The following ABL1 variants were observed in gnomAD, a reference collection of about 807,000 sequenced individuals.
The protein encoded by ABL1 is ABL proto-oncogene 1, non-receptor tyrosine kinase, also known as tyrosine-protein kinase ABL1.
In ABL1, 11 loss-of-function variants were observed where a neutral mutation model predicts 94.7. The observed-to-expected ratio is 0.12, with a 90% CI of 0.07 to 0.19. The LOEUF (loss-of-function observed/expected upper bound fraction) is 0.19. Ranked by LOEUF, ABL1 falls within the 10% of genes least tolerant of loss-of-function variation. The pLI is 1.00. For missense variants in ABL1, 1,082 were observed against 1,489.4 expected (o/e 0.73, Z 4.50); for synonymous variants, 656 against 622.4 (o/e 1.05, Z -0.80).
At chr9:130,819,725 T>C (rs1830335032) in intron 1 of ABL1, among the ~76,000 whole-genome samples, 1 of 151,756 alleles carries the variant, frequency 6.6e-6, no homozygotes, top group South Asian at 2.1e-4. Context: ...GTATTTTTAG[T>C]AGAGATGGAG....
chr9:130,786,611 C>G (rs1829829474), intron 1 of ABL1, among the ~76,000 whole-genome samples: 1 of 152,142 alleles, frequency 6.6e-6, no homozygotes, highest in Non-Finnish European at 1.5e-5. Context: ...CTGCCTCCTA[C>G]TCTTTGCACC....
chr9:130,868,539 T>C (rs2132985427), intron 4 of ABL1, among the ~76,000 whole-genome samples: 1 of 148,250 alleles, frequency 6.7e-6, no homozygotes, highest in South Asian at 2.1e-4. Context: ...TTTTTTTTTT[T>C]TTCAGACAGA....
At chr9:130,833,924 A>G (rs937187019), upstream of ABL1, 16 of 435,492 alleles carry the variant, frequency 3.7e-5, no homozygotes, top group South Asian at 1.7e-4. Context: ...TATAATGACA[A>G]TGCTAGTTAT....
In ABL1 at chr9:130,863,556, G is replaced by A. The variant is rs181579479; in HGVS notation, c.822+521G>A. Among the ~76,000 whole-genome samples, 5 of 152,296 alleles carry A rather than the reference G, an allele frequency of 3.3e-5. No individual in the cohort carries two copies. The highest frequency in any genetic ancestry group is 1.3e-4 in the Admixed American group (2 of 15,308). The stretch of plus-strand genomic sequence containing the variant: ...TGCAGGCAGAGGTGGAAGTGTCCCC[G>A]CTAGAAAGGCATCCAGGAAACTCGC... On this transcript the variant is annotated intron_variant, in intron 4 of 10. Transcript: ENST00000318560. The surrounding 1 kb of genome is among the most constrained non-coding windows in gnomAD (Gnocchi z 4.3).
intron 1 of ABL1, among the ~76,000 whole-genome samples, chr9:130,801,087 A>C (rs1014084190): frequency 2.0e-5 from 3 of 149,372 alleles, no homozygotes; most frequent in African/African-American, 7.4e-5. Context: ...CCGCCACCAC[A>C]CCCAGCTAAT....
At chr9:130,786,468 GTATC>G (rs1489382714) in intron 1 of ABL1, among the ~76,000 whole-genome samples, 4 of 152,218 alleles carry the variant, frequency 2.6e-5, no homozygotes, top group Middle Eastern at 3.2e-3. Flanking sequence ...TCTCTTAGCA[GTATC>G]TACTTTTTGT....
chr9:130,724,103 C>T (rs547024863), intron 1 of ABL1, among the ~76,000 whole-genome samples: 3 of 151,762 alleles, frequency 2.0e-5, no homozygotes, highest in South Asian at 2.1e-4. Context: ...AGCCACCATG[C>T]GTGGCCTTTT....
chr9:130,884,038 G>T lies in ABL1; in HGVS notation c.1748G>T (p.Gly583Val). ...AAAGAGCGAGGTCCCCCGGAGGGCG[G>T]CCTGAATGAAGATGAGCGCCTTCTC... ...PRKERGPPEG[G>V]LNEDERLLPK... The change falls in exon 11 of 11, where the codon GGC (glycine) becomes GTC (valine). Residue 583 changes from glycine to valine, a missense_variant. Coordinates refer to ENST00000318560, the MANE Select transcript of ABL1 (RefSeq NM_005157.6). The surrounding 1 kb of genome is among the most constrained non-coding windows in gnomAD (Gnocchi z 5.6). The T allele has an allele frequency of 1.9e-6, 3 of 1,613,912 alleles. No individual in the cohort carries two copies. Among genetic ancestry groups the T allele is most frequent in the Non-Finnish European group, 2.5e-6 (3 of 1,180,038 alleles).
At chr9:130,777,235 G>C (rs929522111) in intron 1 of ABL1, among the ~76,000 whole-genome samples, 10 of 152,192 alleles carry the variant, frequency 6.6e-5, no homozygotes, top group African/African-American at 2.4e-4. Flanking sequence ...CAGCAGTCTG[G>C]TAATCCTGGT....
chr9:130,759,963 ATTTTTTTTTT>A (rs34154339), intron 1 of ABL1, among the ~76,000 whole-genome samples: 16 of 93,028 alleles, frequency 1.7e-4, no homozygotes, highest in South Asian at 3.7e-4. Flanking sequence ...AGGTAATTTA[ATTTTTTTTTT>A]TTTTTTTTTT....
chr9:130,797,235 CGAAAAAAAAAA>C (rs1564292654), intron 1 of ABL1, among the ~76,000 whole-genome samples: 1 of 46,756 alleles, frequency 2.1e-5, no homozygotes, highest in Non-Finnish European at 3.4e-5. Flanking sequence ...GACTCCATCT[CGAAAAAAAAAA>C]AAAAAAAAAA....
intron 1 of ABL1, among the ~76,000 whole-genome samples, chr9:130,748,981 A>G (rs1024389125): frequency 1.9e-4 from 29 of 152,216 alleles, no homozygotes; most frequent in African/African-American, 6.8e-4. Flanking sequence ...GCCCTCAGCC[A>G]TGACCCGAAG....
At position 130,835,377 on chromosome 9, in the gene ABL1, C is replaced by A. The variant is rs533688531; in HGVS notation, c.-70C>A. 178 of 1,091,168 alleles carry A rather than the reference C, an allele frequency of 1.6e-4. 1 individual carries two copies. The African/African-American group carries it at 2.9e-3, about 18-fold the overall frequency. 67.6% of individuals were successfully genotyped at this position (1,091,168 alleles called of 1,614,324 possible). A position where few individuals can be genotyped will look rare whatever the true frequency, so the allele number is the denominator to read the frequency against. The stretch of plus-strand genomic sequence containing the variant: ...CGCCGGGGGGGCGCGCGGGCCGAGC[C>A]GGGCCTGAGCCGGGCCCGCGGACCG... On this transcript the variant is annotated 5_prime_UTR_variant, in exon 1 of 11. Coordinates refer to ENST00000318560, the MANE Select transcript of ABL1 (RefSeq NM_005157.6). This position sits in a 1 kb window ranked among gnomAD's most constrained non-coding sequence, Gnocchi z 4.6.
chr9:130,740,819 A>ATTTTTTTTTTTTTTTTTTTTTTTTTTTTT, intron 1 of ABL1, among the ~76,000 whole-genome samples: 1 of 97,812 alleles, frequency 1.0e-5, no homozygotes. Context: ...CCACACCCAG[A>ATTTTTTTTTTTTTTTTTTTTTTTTTTTTT]TTTTTTTTTT....
intron 1 of ABL1, among the ~76,000 whole-genome samples, chr9:130,848,325 A>AC (rs1224428843): frequency 1.6e-5 from 2 of 126,350 alleles, no homozygotes; most frequent in East Asian, 5.1e-4. Flanking sequence ...ACATGGCAAA[A>AC]CCCCGTCTCT....
intron 1 of ABL1, among the ~76,000 whole-genome samples, chr9:130,762,268 G>A (rs1446983685): frequency 1.3e-5 from 2 of 152,036 alleles, no homozygotes; most frequent in Admixed American, 1.3e-4. Flanking sequence ...AGCCACTCTT[G>A]TCTGAAGGAG....
chr9:130,879,398 G>A (rs34121031), intron 8 of ABL1, among the ~76,000 whole-genome samples: 4,414 of 152,012 alleles, frequency 0.029, 186 homozygotes, highest in African/African-American at 0.098. Context: ...TCATTCATCC[G>A]GTCCTCTTTT....
At chr9:130,836,938 C>T (rs1335110974) in intron 1 of ABL1, among the ~76,000 whole-genome samples, 1 of 151,518 alleles carries the variant, frequency 6.6e-6, no homozygotes, top group Non-Finnish European at 1.5e-5. Flanking sequence ...GAGAAATAAA[C>T]AGGCCTCATT....
rs1444971681 is a variant in ABL1 at position 130,884,303 on chromosome 9, A to C, written c.2013A>C (p.Gly671=). The C allele has an allele frequency of 5.0e-6, 8 of 1,609,340 alleles. No homozygotes were observed. In the African/African-American group the frequency reaches 1.1e-4, roughly 22 times the overall value. ...KPSNGAGVPN[G]ALRESGGSGF... Reference sequence around the variant, plus strand: ...GCAATGGGGCTGGGGTCCCCAATGGAGCCCTCCGGGAGTCCGGGGGCTCAG... The same window carrying C: ...GCAATGGGGCTGGGGTCCCCAATGGCGCCCTCCGGGAGTCCGGGGGCTCAG... Residue 671 remains glycine (G), a synonymous_variant, in exon 11 of 11, where the codon GGA becomes GGC. Coordinates refer to ENST00000318560, the MANE Select transcript of ABL1 (RefSeq NM_005157.6). This position sits in a 1 kb window ranked among gnomAD's most constrained non-coding sequence, Gnocchi z 5.6.
Sources: gnomAD v4.1 joint callset for allele counts (sites outside exome capture counted in the v4.1 genomes callset) on GRCh38, gnomAD v4.1.1 for gene constraint, Gnocchi (gnomAD v3.1) non-coding constraint, MANE v1.5 for transcripts, NCBI Gene and HGNC (gene_info 2026-07-23, HGNC 2026-07-21) for gene names.